SGCZ: variants seen among roughly 807,000 people sequenced by gnomAD.
SGCZ encodes zeta-sarcoglycan.
Under a neutral mutation model 41.3 loss-of-function variants are expected in SGCZ, and 40 were observed. The ratio of observed to expected loss-of-function variants is 0.97; its 90% confidence interval spans 0.75 to 1.26. The LOEUF is 1.26. SGCZ is among the 50% of genes most tolerant of loss of function. SGCZ has a pLI of 0.00. For missense variants in SGCZ, 552 were observed against 369.8 expected (o/e 1.49, Z -4.04); for synonymous variants, 206 against 137.5 (o/e 1.50, Z -3.49).
intron 2 of SGCZ, among the ~76,000 whole-genome samples, chr8:14,327,750 A>G (rs974799250): frequency 3.3e-5 from 5 of 152,180 alleles, no homozygotes; most frequent in African/African-American, 1.2e-4. Context: ...AAATTAGATA[A>G]AACAGAATTC....
intron 1 of SGCZ, among the ~76,000 whole-genome samples, chr8:14,978,839 C>A (rs1190494593): frequency 6.6e-6 from 1 of 152,120 alleles, no homozygotes; most frequent in Non-Finnish European, 1.5e-5. Flanking sequence ...CAGTCTGTCA[C>A]CCAGGCTGGA....
Position 14,625,866 on chromosome 8 carries a change from C to T in SGCZ, c.40-70940G>A, listed in dbSNP as rs1806438102. Among the ~76,000 whole-genome samples the T allele has an allele frequency of 2.6e-5, 4 of 152,122 alleles. No individual in the cohort carries two copies. In the South Asian group the frequency reaches 6.2e-4, roughly 24 times the overall value. ...GATGACATTAAAAGCAGCAGAATTA[C>T]CATCACCTTAAAAGGTCAAATGAGA... On this transcript the variant is annotated intron_variant, in intron 1 of 7. Coordinates refer to ENST00000382080, the MANE Select transcript of SGCZ (RefSeq NM_139167.4).
At chr8:14,648,613 T>C (rs544685781) in intron 1 of SGCZ, among the ~76,000 whole-genome samples, 19 of 152,234 alleles carry the variant, frequency 1.2e-4, no homozygotes, top group African/African-American at 4.3e-4. Flanking sequence ...TTGTTTTTCA[T>C]TTTCCATTAT....
intron 5 of SGCZ, among the ~76,000 whole-genome samples, chr8:14,118,949 G>A (rs1802607181): frequency 6.6e-6 from 1 of 152,170 alleles, no homozygotes; most frequent in African/African-American, 2.4e-5. Context: ...GTACCATGCT[G>A]TTTTGATTAC....
At chr8:14,318,178 A>G (rs1801778464) in intron 3 of SGCZ, among the ~76,000 whole-genome samples, 1 of 151,834 alleles carries the variant, frequency 6.6e-6, no homozygotes, top group African/African-American at 2.4e-5. Flanking sequence ...AAAGAAAGAA[A>G]GAAACAAGGA....
chr8:14,552,470 T>C (rs1437181805), intron 2 of SGCZ, among the ~76,000 whole-genome samples: 2 of 152,072 alleles, frequency 1.3e-5, no homozygotes, highest in Non-Finnish European at 2.9e-5. Context: ...GTTTTCCTTC[T>C]GATTATAAAA....
intron 2 of SGCZ, among the ~76,000 whole-genome samples, chr8:14,353,713 G>A (rs1803184243): frequency 6.6e-6 from 1 of 151,916 alleles, no homozygotes; most frequent in Non-Finnish European, 1.5e-5. Context: ...GTCTTCCTGT[G>A]TCTCTTCTTC....
At chr8:14,698,880 A>G (rs1223851502) in intron 1 of SGCZ, among the ~76,000 whole-genome samples, 1 of 151,974 alleles carries the variant, frequency 6.6e-6, no homozygotes, top group African/African-American at 2.4e-5. Context: ...TATGGGGTAG[A>G]AAGGTAGATC....
chr8:14,949,824 T>C (rs544878979), intron 1 of SGCZ, among the ~76,000 whole-genome samples: 1 of 152,128 alleles, frequency 6.6e-6, no homozygotes, highest in Non-Finnish European at 1.5e-5. Context: ...GTAATAAAGG[T>C]TTATAGTCAA....
chr8:14,278,548 A>G (rs1455824639), intron 3 of SGCZ, among the ~76,000 whole-genome samples: 1 of 152,142 alleles, frequency 6.6e-6, no homozygotes, highest in African/African-American at 2.4e-5. Context: ...AGCGAAACTC[A>G]TTTCACGTTG....
chr8:14,561,506 C>T (rs1804207068), intron 1 of SGCZ, among the ~76,000 whole-genome samples: 1 of 152,100 alleles, frequency 6.6e-6, no homozygotes, highest in South Asian at 2.1e-4. Flanking sequence ...CTGTTTGTTA[C>T]AATTATCTTG....
chr8:14,752,211 A>T (rs945223050), intron 1 of SGCZ, among the ~76,000 whole-genome samples: 3 of 149,958 alleles, frequency 2.0e-5, no homozygotes, highest in Non-Finnish European at 4.4e-5. Flanking sequence ...TTTACTATTT[A>T]AACTGGTTTT....
intron 1 of SGCZ, among the ~76,000 whole-genome samples, chr8:14,769,013 G>A (rs1362457194): frequency 3.3e-5 from 5 of 151,684 alleles, no homozygotes. Flanking sequence ...TAAGATGGTT[G>A]AACACTCTCT....
chr8:14,922,557 C>A (rs1199109044), intron 1 of SGCZ, among the ~76,000 whole-genome samples: 1 of 152,056 alleles, frequency 6.6e-6, no homozygotes, highest in Non-Finnish European at 1.5e-5. Context: ...CGGGTTCAAG[C>A]TATTCTCCTG....
At chr8:15,221,249 A>C (rs1346326704) in intron 1 of SGCZ, among the ~76,000 whole-genome samples, 1 of 152,238 alleles carries the variant, frequency 6.6e-6, no homozygotes, top group Non-Finnish European at 1.5e-5. Context: ...ATTTGCGAAG[A>C]AGGGTGTATT....
At chr8:14,752,058 A>G (rs897729215) in intron 1 of SGCZ, among the ~76,000 whole-genome samples, 1 of 151,170 alleles carries the variant, frequency 6.6e-6, no homozygotes, top group Non-Finnish European at 1.5e-5. Context: ...AACCACAAAG[A>G]AGGGTAAAGA....
chr8:14,763,479 A>G (rs560358351), intron 1 of SGCZ, among the ~76,000 whole-genome samples: 1 of 152,294 alleles, frequency 6.6e-6, no homozygotes, highest in Non-Finnish European at 1.5e-5. Context: ...CTCTTTATCC[A>G]GGTAGCCAAG....
chr8:14,726,011 C>A (rs144939908), intron 1 of SGCZ, among the ~76,000 whole-genome samples: 135 of 152,014 alleles, frequency 8.9e-4, no homozygotes, highest in African/African-American at 3.1e-3. Flanking sequence ...GTAATCCCAG[C>A]ACTTTGGGAG....
At chr8:14,396,272 A>C (rs1798917067) in intron 2 of SGCZ, among the ~76,000 whole-genome samples, 2 of 152,208 alleles carry the variant, frequency 1.3e-5, no homozygotes, top group African/African-American at 4.8e-5. Context: ...TAAAATGAAC[A>C]CATTTTCTGA....
Sources: gnomAD v4.1 joint callset for allele counts (sites outside exome capture counted in the v4.1 genomes callset) on GRCh38, gnomAD v4.1.1 for gene constraint, MANE v1.5 for transcripts, NCBI Gene and HGNC (gene_info 2026-07-23, HGNC 2026-07-21) for gene names.